CSMD1: variants seen among roughly 807,000 people sequenced by gnomAD.
CSMD1 encodes the protein CUB and Sushi multiple domains 1.
In CSMD1, 213 loss-of-function variants were observed where a neutral mutation model predicts 417.5. That is an observed-to-expected ratio of 0.51 (90% CI 0.46 to 0.57). CSMD1 has a LOEUF of 0.57. Ranked by LOEUF, CSMD1 falls within the 20% of genes least tolerant of loss-of-function variation. CSMD1 has a pLI of 0.00. For synonymous variants in CSMD1, 2,862 were observed against 1,736.8 expected (o/e 1.65, Z -16.11); for missense variants, 6,923 against 4,529.7 (o/e 1.53, Z -15.17).
At chr8:4,873,893 G>A (rs762030705) in intron 1 of CSMD1, among the ~76,000 whole-genome samples, 1 of 151,866 alleles carries the variant, frequency 6.6e-6, no homozygotes, top group African/African-American at 2.4e-5. Context: ...TTTTAGACAA[G>A]GCAATTAGAA....
chr8:4,122,950 G>C (rs1337954068), intron 3 of CSMD1, among the ~76,000 whole-genome samples: 1 of 152,218 alleles, frequency 6.6e-6, no homozygotes, highest in African/African-American at 2.4e-5. Context: ...CTACTGCAAA[G>C]CAGCACTGTG....
intron 40 of CSMD1, 193 bp downstream of exon 40, chr8:3,151,204 T>A (rs1452832725): frequency 2.0e-6 from 1 of 510,842 alleles, no homozygotes; most frequent in African/African-American, 1.9e-5. Context: ...AAGAGTTGCA[T>A]GGCTTAATTG....
rs1161025026 is a variant in CSMD1, at chr8:3,838,385, C to T, written c.819-84343G>A. Among the ~76,000 whole-genome samples the T allele has an allele frequency of 5.7e-5, 8 of 141,132 alleles. No homozygotes were observed. The South Asian group carries it at 1.3e-3, about 24-fold the overall frequency. The allele number at this position is 141,132 out of a possible 152,430, so 92.6% of individuals were successfully genotyped here. A position where few individuals can be genotyped will look rare whatever the true frequency, so the allele number is the denominator to read the frequency against. ...ACACTGTCTCTACTATATATACGCA[C>T]TATATATATAGCCTATATATATAGA... On this transcript the variant is annotated intron_variant, in intron 5 of 69. Coordinates refer to ENST00000635120, the MANE Select transcript of CSMD1 (RefSeq NM_033225.6).
chr8:3,891,264 G>A (rs1023074908), intron 5 of CSMD1, among the ~76,000 whole-genome samples: 3 of 152,062 alleles, frequency 2.0e-5, no homozygotes, highest in Admixed American at 6.5e-5. Flanking sequence ...TCCCAGGCTA[G>A]TCTCAAAAAT....
chr8:3,797,735 A>C (rs1195381838), intron 5 of CSMD1, among the ~76,000 whole-genome samples: 1 of 151,998 alleles, frequency 6.6e-6, no homozygotes, highest in Non-Finnish European at 1.5e-5. Context: ...ATTCTTATAC[A>C]AAATATTTTG....
intron 3 of CSMD1, among the ~76,000 whole-genome samples, chr8:4,325,280 C>T (rs897711293): frequency 6.6e-6 from 1 of 152,150 alleles, no homozygotes; most frequent in Non-Finnish European, 1.5e-5. Flanking sequence ...CCCCACTAAC[C>T]AAGTATTCCA....
chr8:3,369,224 G>A (rs371928996), intron 19 of CSMD1, 30 bp downstream of exon 19: 9 of 1,066,330 alleles, frequency 8.4e-6, no homozygotes, highest in African/African-American at 1.6e-5. Flanking sequence ...TTATTAGTCT[G>A]TATGTTTGAG....
intron 10 of CSMD1, among the ~76,000 whole-genome samples, chr8:3,494,466 G>C (rs765760397): frequency 6.6e-6 from 1 of 151,984 alleles, no homozygotes; most frequent in Admixed American, 6.6e-5. Context: ...AAGGAAAGAA[G>C]ATAAATACAT....
intron 1 of CSMD1, among the ~76,000 whole-genome samples, chr8:4,794,229 CT>C (rs1292371591): frequency 7.5e-6 from 1 of 133,212 alleles, no homozygotes; most frequent in Admixed American, 8.3e-5. Context: ...TTTTATCACA[CT>C]TTTTGTCAGT....
chr8:3,725,186 G>A (rs1802413208), intron 6 of CSMD1, among the ~76,000 whole-genome samples: 1 of 152,124 alleles, frequency 6.6e-6, no homozygotes, highest in Non-Finnish European at 1.5e-5. Context: ...AGGCAAGGAG[G>A]TAGGTTCAAG....
intron 23 of CSMD1, among the ~76,000 whole-genome samples, chr8:3,325,908 A>C (rs1386147690): frequency 2.0e-5 from 3 of 152,236 alleles, no homozygotes; most frequent in African/African-American, 7.2e-5. Flanking sequence ...TCATCACAAA[A>C]TATAAAGAAT....
intron 5 of CSMD1, chr8:3,949,968 G>C (rs574433323): frequency 8.8e-6 from 4 of 455,822 alleles, no homozygotes; most frequent in Middle Eastern, 3.2e-4. Context: ...GCAGAGCGAC[G>C]TGTCTCCAGG....
intron 3 of CSMD1, among the ~76,000 whole-genome samples, chr8:4,308,918 C>G (rs1419900013): frequency 2.0e-5 from 3 of 152,092 alleles, no homozygotes; most frequent in Non-Finnish European, 2.9e-5. Flanking sequence ...TATCAAAGGT[C>G]CATTTATTTC....
chr8:4,386,393 A>G (rs1584995014), intron 3 of CSMD1, among the ~76,000 whole-genome samples: 1 of 150,918 alleles, frequency 6.6e-6, no homozygotes, highest in Non-Finnish European at 1.5e-5. Context: ...CCTAAGTTCC[A>G]TCCCCGGTTA....
chr8:3,629,352 G>C (rs1259215650), intron 7 of CSMD1, among the ~76,000 whole-genome samples: 8 of 152,046 alleles, frequency 5.3e-5, no homozygotes, highest in Admixed American at 5.2e-4. Flanking sequence ...TTCAGATACA[G>C]CGTCCTCCAT....
rs74319293 is a variant in CSMD1 at position 3,414,471 on chromosome 8, T to G, written c.1562-4866A>C. On this transcript the variant is annotated intron_variant, in intron 12 of 69. Coordinates refer to ENST00000635120, the MANE Select transcript of CSMD1 (RefSeq NM_033225.6). ...GTGCCTCAGTTCAGGTTCTCACCCCTCACTGTCTATCATCATTTGCCATCA... is the reference window on the plus strand; with the variant it reads ...GTGCCTCAGTTCAGGTTCTCACCCCGCACTGTCTATCATCATTTGCCATCA... 8.4e-3 allele frequency among the ~76,000 whole-genome samples: 1,278 copies of G among 152,236 alleles called. 7 individuals are homozygous for G. Among genetic ancestry groups the G allele is most frequent in the Non-Finnish European group, 0.013 (917 of 68,018 alleles).
At chr8:3,547,374 G>C (rs575290708) in intron 10 of CSMD1, among the ~76,000 whole-genome samples, 29 of 152,282 alleles carry the variant, frequency 1.9e-4, no homozygotes, top group African/African-American at 7.0e-4. Context: ...AAACCATTTA[G>C]TTTCCACACT....
intron 5 of CSMD1, among the ~76,000 whole-genome samples, chr8:3,759,986 G>C (rs528494579): frequency 6.6e-6 from 1 of 151,610 alleles, no homozygotes; most frequent in Non-Finnish European, 1.5e-5. Flanking sequence ...AATTCAGAGC[G>C]CACTGACCAT....
chr8:3,337,554 G>A (rs1807349898), intron 23 of CSMD1, among the ~76,000 whole-genome samples: 1 of 152,102 alleles, frequency 6.6e-6, no homozygotes, highest in Admixed American at 6.5e-5. Context: ...GTAAGCGATG[G>A]CCACTCTTTC....
Sources: gnomAD v4.1 joint callset for allele counts (sites outside exome capture counted in the v4.1 genomes callset) on GRCh38, gnomAD v4.1.1 for gene constraint, MANE v1.5 for transcripts, NCBI Gene and HGNC (gene_info 2026-07-23, HGNC 2026-07-21) for gene names.